The following FAM13A variants were observed in gnomAD, a reference collection of about 807,000 sequenced individuals.
The protein encoded by FAM13A is protein FAM13A.
FAM13A carries 76 observed loss-of-function variants against 129.6 expected under a neutral mutation model. The observed-to-expected ratio is 0.59, with a 90% confidence interval of 0.49 to 0.71. The LOEUF is 0.71. Ranked by LOEUF, FAM13A falls within the 30% of genes least tolerant of loss-of-function variation. FAM13A has a pLI of 0.00. For missense variants in FAM13A, 1,108 were observed against 1,249.3 expected (o/e 0.89, Z 1.70); for synonymous variants, 443 against 449.9 (o/e 0.98, Z 0.20).
intron 7 of FAM13A, among the ~76,000 whole-genome samples, chr4:88,846,710 T>G (rs1416990050): frequency 6.6e-6 from 1 of 152,246 alleles, no homozygotes; most frequent in Non-Finnish European, 1.5e-5. Context: ...AAAACCCACC[T>G]ATTTCTACAA....
intron 3 of FAM13A, among the ~76,000 whole-genome samples, chr4:89,004,972 C>A (rs1303143235): frequency 1.8e-5 from 2 of 113,712 alleles, no homozygotes; most frequent in African/African-American, 5.7e-5. Context: ...TAGGTAAACT[C>A]ATGTCATGGT....
At chr4:88,987,666 C>T (rs1335510458) in intron 4 of FAM13A, among the ~76,000 whole-genome samples, 1 of 151,566 alleles carries the variant, frequency 6.6e-6, no homozygotes, top group African/African-American at 2.4e-5. Flanking sequence ...CATGGTGAAA[C>T]CCCGCCTCTA....
intron 20 of FAM13A, chr4:88,737,756 T>G (rs1015863836): frequency 3.4e-6 from 2 of 587,116 alleles, no homozygotes; most frequent in Non-Finnish European, 6.1e-6. Context: ...CCCACACACA[T>G]AAATCAAGGA....
chr4:88,921,390 C>A (rs1184992146), intron 5 of FAM13A, among the ~76,000 whole-genome samples: 2 of 152,118 alleles, frequency 1.3e-5, no homozygotes, highest in East Asian at 3.9e-4. Context: ...GAGTGAGGGC[C>A]AATATTCAAC....
intron 10 of FAM13A, among the ~76,000 whole-genome samples, chr4:88,781,829 G>A (rs1210508674): frequency 2.7e-5 from 4 of 150,412 alleles, no homozygotes; most frequent in Non-Finnish European, 4.4e-5. Context: ...ATCACAGTCC[G>A]GAGACTGTTG....
intron 5 of FAM13A, among the ~76,000 whole-genome samples, chr4:88,923,185 C>T (rs1017041124): frequency 6.6e-6 from 1 of 152,146 alleles, no homozygotes; most frequent in African/African-American, 2.4e-5. Flanking sequence ...AGGGAATCCT[C>T]CCTAACTCAT....
intron 7 of FAM13A, among the ~76,000 whole-genome samples, chr4:88,813,694 AT>A (rs752870731): frequency 6.6e-6 from 1 of 152,180 alleles, no homozygotes; most frequent in Non-Finnish European, 1.5e-5. Context: ...TTATCCTGTC[AT>A]CCTCTCCCGA....
intron 4 of FAM13A, among the ~76,000 whole-genome samples, chr4:88,952,160 T>C (rs1341117259): frequency 2.0e-5 from 3 of 152,128 alleles, no homozygotes; most frequent in South Asian, 4.2e-4. Flanking sequence ...CAGGAAGTTA[T>C]AGGCCAAACC....
chr4:88,749,278 T>C (rs1293676837), intron 16 of FAM13A, among the ~76,000 whole-genome samples: 1 of 152,210 alleles, frequency 6.6e-6, no homozygotes, highest in East Asian at 1.9e-4. Flanking sequence ...CAGTGACTTC[T>C]GTGAGGTCCA....
intron 4 of FAM13A, among the ~76,000 whole-genome samples, chr4:88,989,205 C>T (rs1762635325): frequency 1.1e-5 from 1 of 91,546 alleles, no homozygotes; most frequent in Non-Finnish European, 2.2e-5. Flanking sequence ...CAGACTCTGT[C>T]TCAAAACAAA....
intron 7 of FAM13A, among the ~76,000 whole-genome samples, chr4:88,837,973 T>G (rs1166520126): frequency 6.6e-6 from 1 of 152,164 alleles, no homozygotes; most frequent in African/African-American, 2.4e-5. Context: ...AAAAAATGCT[T>G]CTTTATTGAA....
chr4:88,809,844 T>TAA (rs1405197816), intron 7 of FAM13A, among the ~76,000 whole-genome samples: 4 of 140,012 alleles, frequency 2.9e-5, no homozygotes, highest in Non-Finnish European at 4.7e-5. Flanking sequence ...TCAAGAACAT[T>TAA]AAAAAAAAAA....
intron 21 of FAM13A, among the ~76,000 whole-genome samples, chr4:88,734,095 A>C (rs925674216): frequency 6.6e-6 from 1 of 152,260 alleles, no homozygotes; most frequent in African/African-American, 2.4e-5. Context: ...ATACATAGAT[A>C]ATATATAAGC....
At chr4:88,777,566 A>G (rs1722013852) in intron 11 of FAM13A, among the ~76,000 whole-genome samples, 1 of 152,312 alleles carries the variant, frequency 6.6e-6, no homozygotes. Context: ...GCTCTGAATT[A>G]TCTGTAGTTT....
At chr4:88,868,704 G>A (rs1388860131) in intron 6 of FAM13A, among the ~76,000 whole-genome samples, 2 of 152,086 alleles carry the variant, frequency 1.3e-5, no homozygotes, top group African/African-American at 4.8e-5. Flanking sequence ...CTATAAACAT[G>A]CACTTTCTCT....
intron 6 of FAM13A, 51 bp from the exon 7 acceptor site, chr4:88,851,234 T>C: frequency 6.9e-7 from 1 of 1,446,294 alleles, no homozygotes; most frequent in South Asian, 1.5e-5. Context: ...AATGTTAAAG[T>C]CTTTCAAATT....
At chr4:89,041,757 C>A (rs990247271) in intron 1 of FAM13A, among the ~76,000 whole-genome samples, 8 of 151,914 alleles carry the variant, frequency 5.3e-5, no homozygotes, top group Admixed American at 1.3e-4. Flanking sequence ...TCCTTCTCTA[C>A]TAAAAATACA....
chr4:88,947,029 G>T (rs572716224), intron 4 of FAM13A, among the ~76,000 whole-genome samples: 3 of 152,200 alleles, frequency 2.0e-5, no homozygotes, highest in African/African-American at 7.2e-5. Context: ...ACCAAAAGGG[G>T]AAAATTATTA....
chr4:89,004,270 C>T (rs919131107), intron 3 of FAM13A, among the ~76,000 whole-genome samples: 1 of 152,152 alleles, frequency 6.6e-6, no homozygotes, highest in Non-Finnish European at 1.5e-5. Context: ...TTCTGAGTAG[C>T]TGGGATTACA....
Sources: allele counts gnomAD v4.1 joint callset (sites outside exome capture counted in the v4.1 genomes callset), GRCh38; gene constraint gnomAD v4.1.1; transcripts MANE v1.5; gene names NCBI Gene and HGNC (gene_info 2026-07-23, HGNC 2026-07-21).